Variants in SGCZ observed in about 807,000 individuals in gnomAD.
SGCZ encodes the protein zeta-sarcoglycan.
SGCZ carries 40 observed loss-of-function variants against 41.3 expected under a neutral mutation model. The ratio of observed to expected loss-of-function variants is 0.97; its 90% confidence interval spans 0.75 to 1.26. The LOEUF is 1.26. SGCZ is among the 50% of genes most tolerant of loss of function. The pLI, the probability that SGCZ is intolerant of heterozygous loss-of-function variation, is 0.00. For synonymous variants in SGCZ, 206 were observed against 137.5 expected (o/e 1.50, Z -3.49); for missense variants, 552 against 369.8 (o/e 1.49, Z -4.04).
At chr8:14,926,299 T>A (rs945435728) in intron 1 of SGCZ, among the ~76,000 whole-genome samples, 11 of 152,182 alleles carry the variant, frequency 7.2e-5, no homozygotes, top group South Asian at 2.1e-4. Context: ...AATATTGTCA[T>A]CATGTTTCAT....
At chr8:14,261,028 C>T (rs1021883979) in intron 3 of SGCZ, among the ~76,000 whole-genome samples, 1 of 152,030 alleles carries the variant, frequency 6.6e-6, no homozygotes, top group African/African-American at 2.4e-5. Context: ...AGTGCACCAG[C>T]ATGGCACATG....
chr8:14,723,686 C>G (rs1809961928), intron 1 of SGCZ, among the ~76,000 whole-genome samples: 1 of 150,748 alleles, frequency 6.6e-6, no homozygotes, highest in South Asian at 2.1e-4. Context: ...ATATATATGT[C>G]TGTGTCTATG....
At chr8:14,964,698 G>A (rs1283541967) in intron 1 of SGCZ, among the ~76,000 whole-genome samples, 1 of 152,160 alleles carries the variant, frequency 6.6e-6, no homozygotes, top group African/African-American at 2.4e-5. Flanking sequence ...GTAGTTATTG[G>A]AGATGGCAGT....
chr8:14,493,696 T>C (rs1801911063), intron 2 of SGCZ, among the ~76,000 whole-genome samples: 1 of 151,978 alleles, frequency 6.6e-6, no homozygotes, highest in Non-Finnish European at 1.5e-5. Context: ...AATCAGCTCT[T>C]AATCTTGTTT....
At chr8:14,554,111 C>G (rs138071600) in intron 2 of SGCZ, among the ~76,000 whole-genome samples, 1 of 151,988 alleles carries the variant, frequency 6.6e-6, no homozygotes, top group African/African-American at 2.4e-5. Flanking sequence ...ATACATTATA[C>G]AATCATTTTG....
chr8:14,437,940 G>A (rs1448739386), intron 2 of SGCZ, among the ~76,000 whole-genome samples: 2 of 151,828 alleles, frequency 1.3e-5, no homozygotes, highest in Admixed American at 6.6e-5. Context: ...GATTTGTGTT[G>A]TAAATAGTTT....
At chr8:14,748,064 C>A (rs971794875) in intron 1 of SGCZ, among the ~76,000 whole-genome samples, 4 of 151,970 alleles carry the variant, frequency 2.6e-5, no homozygotes, top group Admixed American at 6.6e-5. Context: ...TGACTCTTAT[C>A]TCCAAAAGGT....
chr8:14,798,719 C>T (rs1801218066), intron 1 of SGCZ, among the ~76,000 whole-genome samples: 2 of 104,938 alleles, frequency 1.9e-5, no homozygotes, highest in South Asian at 3.3e-4. Flanking sequence ...CCTACAATCA[C>T]ATTATTTTCA....
At chr8:14,465,973 T>G (rs1016617179) in intron 2 of SGCZ, among the ~76,000 whole-genome samples, 16 of 151,964 alleles carry the variant, frequency 1.1e-4, no homozygotes, top group Non-Finnish European at 2.2e-4. Context: ...TTAAATCATG[T>G]ACAAAACAAA....
chr8:15,132,119 T>G (rs1563142408), intron 1 of SGCZ, among the ~76,000 whole-genome samples: 1 of 152,236 alleles, frequency 6.6e-6, no homozygotes, highest in African/African-American at 2.4e-5. Flanking sequence ...CTCAGTTAAT[T>G]ACAAGTCATT....
chr8:14,932,349 T>C (rs1313290450), intron 1 of SGCZ, among the ~76,000 whole-genome samples: 1 of 152,008 alleles, frequency 6.6e-6, no homozygotes, highest in Non-Finnish European at 1.5e-5. Context: ...TCTCTTTTCA[T>C]TTCAGGCCAT....
chr8:14,825,229 G>C (rs1802260497), intron 1 of SGCZ, among the ~76,000 whole-genome samples: 1 of 152,022 alleles, frequency 6.6e-6, no homozygotes, highest in African/African-American at 2.4e-5. Flanking sequence ...ACCTTTTATA[G>C]CTTCCCATCT....
At chr8:14,309,868 G>A (rs1242487136) in intron 3 of SGCZ, among the ~76,000 whole-genome samples, 1 of 147,918 alleles carries the variant, frequency 6.8e-6, no homozygotes, top group Admixed American at 6.7e-5. Context: ...TTCTTTTTTT[G>A]GCTAGAGTTT....
intron 1 of SGCZ, among the ~76,000 whole-genome samples, chr8:14,719,798 G>T (rs572644910): frequency 6.6e-6 from 1 of 151,684 alleles, no homozygotes. Flanking sequence ...CTCCCATTTT[G>T]TAGGTTGCCT....
intron 1 of SGCZ, among the ~76,000 whole-genome samples, chr8:14,842,060 G>A (rs1046005721): frequency 1.2e-4 from 19 of 152,016 alleles, no homozygotes; most frequent in Non-Finnish European, 7.4e-5. Context: ...CAAATCCTGG[G>A]GTAGATTCTA....
intron 1 of SGCZ, among the ~76,000 whole-genome samples, chr8:15,038,436 A>G (rs1040360910): frequency 6.6e-6 from 1 of 152,088 alleles, no homozygotes; most frequent in African/African-American, 2.4e-5. Flanking sequence ...CCTATTTCAC[A>G]TTATATACAA....
chr8:14,979,433 T>C (rs1801589945), intron 1 of SGCZ, among the ~76,000 whole-genome samples: 2 of 152,178 alleles, frequency 1.3e-5, no homozygotes, highest in South Asian at 4.1e-4. Context: ...TCTACAAGGA[T>C]GGGAAGTAAT....
At chr8:15,015,552 T>C (rs1802993895) in intron 1 of SGCZ, among the ~76,000 whole-genome samples, 1 of 151,406 alleles carries the variant, frequency 6.6e-6, no homozygotes, top group African/African-American at 2.4e-5. Context: ...GCGAGTGTGA[T>C]GGCAGGCACC....
At position 15,234,696 on chromosome 8, in the gene SGCZ, G is replaced by A. The variant is rs555484727; in HGVS notation, c.39+2889C>T. Among the ~76,000 whole-genome samples the A allele has an allele frequency of 4.1e-4, 62 of 152,182 alleles. 1 individual carries two copies. In the South Asian group the frequency reaches 0.013, roughly 32 times the overall value. On this transcript the variant is annotated intron_variant, in intron 1 of 7. Coordinates refer to ENST00000382080, the MANE Select transcript of SGCZ (RefSeq NM_139167.4). ...ATCTTTAGTTTAAAAGCTTGCAAAA[G>A]AAAACACTATTGACACTGCACAGCA...
Sources: allele counts gnomAD v4.1 joint callset (sites outside exome capture counted in the v4.1 genomes callset), GRCh38; gene constraint gnomAD v4.1.1; transcripts MANE v1.5; gene names NCBI Gene and HGNC (gene_info 2026-07-23, HGNC 2026-07-21).